The following KIF26A variants were observed in gnomAD, a reference collection of about 807,000 sequenced individuals.
The protein encoded by KIF26A is kinesin-like protein KIF26A.
A neutral mutation model predicts 126.0 loss-of-function variants in KIF26A; 74 were observed. The ratio of observed to expected loss-of-function variants is 0.59; its 90% CI spans 0.49 to 0.71. The LOEUF (loss-of-function observed/expected upper bound fraction) is 0.71. Ranked by LOEUF, KIF26A falls within the 30% of genes least tolerant of loss-of-function variation. The probability of loss-of-function intolerance (pLI) is 0.00; values close to 1 mark genes in which losing one functional copy is unlikely to be tolerated. For synonymous variants in KIF26A, 1,445 were observed against 1,232.7 expected (o/e 1.17, Z -3.61); for missense variants, 2,984 against 2,763.3 (o/e 1.08, Z -1.79).
At chr14:104,141,731 A>G (rs2011069) in intron 2 of KIF26A, among the ~76,000 whole-genome samples, 78,863 of 150,140 alleles carry the variant, frequency 0.53, 22,614 homozygotes, top group Non-Finnish European at 0.64. Context: ...CCAGCCTGCC[A>G]GGGTCTCCTT....
chr14:104,156,443 T>G (rs28579831), intron 3 of KIF26A, among the ~76,000 whole-genome samples: 63,325 of 127,132 alleles, frequency 0.5, 13,998 homozygotes, highest in Middle Eastern at 0.59. Context: ...CTACTGGGCA[T>G]TCCTTCTGGA....
Position 104,179,861 on chromosome 14 carries a change from G to T in KIF26A, c.*71G>T. ...ACGGGACGTGGGACGGAGCGAGGAT[G>T]TGGTGGGGGCTGCGGGGGGAGGATG... On this transcript the variant is annotated 3_prime_UTR_variant, in exon 15 of 15. Coordinates refer to ENST00000423312, the MANE Select transcript of KIF26A (RefSeq NM_015656.2). 8 of 1,403,834 alleles carry T rather than the reference G, an allele frequency of 5.7e-6. No individual in the cohort carries two copies. Among genetic ancestry groups the T allele is most frequent in the Non-Finnish European group, 7.6e-6 (8 of 1,059,234 alleles). 87.0% of individuals were successfully genotyped at this position (1,403,834 alleles called of 1,614,324 possible).
Position 104,179,618 on chromosome 14 carries a change from A to T in KIF26A, c.5477A>T (p.Asp1826Val). ...PGRWLEQFEV[D>V]PELEPESAEY... ...CTCCTCCCCTCCCCAGTTGAGGTGG[A>T]CCCGGAGCTGGAGCCCGAGTCGGCC... The change falls in exon 15 of 15, where the codon GAC (aspartate) becomes GTC (valine). Residue 1826 changes from aspartate to valine, a missense_variant. Physicochemically the swap from Asp to Val is radical, Grantham distance 152. Coordinates refer to ENST00000423312, the MANE Select transcript of KIF26A (RefSeq NM_015656.2). 1 of 1,529,974 alleles carries T rather than the reference A, an allele frequency of 6.5e-7. No individual in the cohort carries two copies. 94.8% of individuals were successfully genotyped at this position (1,529,974 alleles called of 1,614,324 possible).
intron 4 of KIF26A, among the ~76,000 whole-genome samples, chr14:104,162,282 G>A (rs1301591679): frequency 6.6e-6 from 1 of 152,184 alleles, no homozygotes; most frequent in Non-Finnish European, 1.5e-5. Flanking sequence ...GGGTGGAGAT[G>A]TGGGGCGAAC....
chr14:104,177,050 C>T lies in KIF26A; in HGVS notation c.4262C>T (p.Ala1421Val). 1 of 1,584,838 alleles carries T rather than the reference C, an allele frequency of 6.3e-7. No homozygotes were observed. Among genetic ancestry groups the T allele is most frequent in the Non-Finnish European group, 8.5e-7 (1 of 1,173,934 alleles). The change falls in exon 12 of 15, where the codon GCC becomes GTC. Residue 1421 changes from alanine (A) to valine (V), a missense_variant. Transcript: ENST00000423312. ...CCCAGGGCCACGTCCAGCCTGAAGG[C>T]CCGGGCCAGCAAGGTAGAAGCAGCA... ...SVPRATSSLKARASKVEAAHR... is the reference protein window; with the variant it reads ...SVPRATSSLKVRASKVEAAHR...
At position 104,138,761 on chromosome 14, in the gene KIF26A, C is replaced by A; in HGVS notation, c.39C>A (p.Pro13=). The A allele has an allele frequency of 1.6e-6, 2 of 1,258,190 alleles. No homozygotes were observed. The highest frequency in any genetic ancestry group is 2.0e-6 in the Non-Finnish European group (2 of 1,004,320). The allele number at this position is 1,258,190 out of a possible 1,614,324, so 77.9% of individuals were successfully genotyped here. A position where few individuals can be genotyped will look rare whatever the true frequency, so the allele number is the denominator to read the frequency against. The part of the protein sequence containing the change: ...GRGVPLCAAQ[P]AVAEGGPARE... ...GCGTCCCTCTGTGCGCTGCGCAGCC[C>A]GCGGTACGCGCGGCCCGGCCTGGAG... Residue 13 remains proline, a synonymous_variant, in exon 1 of 15, where the codon CCC becomes CCA. Transcript: ENST00000423312.
Position 104,173,528 on chromosome 14 carries a change from C to A in KIF26A, c.1867+15C>A. ...CCGGGGAGGAAGTAGGTGCCACACC[C>A]GCACTCCCGGGCCCCTGTGGGATGC... On this transcript the variant is annotated intron_variant, in intron 9 of 14. Coordinates refer to ENST00000423312, the MANE Select transcript of KIF26A (RefSeq NM_015656.2). The A allele has an allele frequency of 6.5e-7, 1 of 1,538,070 alleles. No homozygotes were observed. Among genetic ancestry groups the A allele is most frequent in the South Asian group, 1.2e-5 (1 of 80,054 alleles).
rs987623973 is a variant in KIF26A, at chr14:104,151,547, G to A, written c.289-468G>A. 2.6e-5 allele frequency among the ~76,000 whole-genome samples: 4 copies of A among 152,214 alleles called. No homozygotes were observed. The highest frequency in any genetic ancestry group is 4.4e-5 in the Non-Finnish European group (3 of 68,044). On this transcript the variant is annotated intron_variant, in intron 2 of 14. Coordinates refer to ENST00000423312, the MANE Select transcript of KIF26A (RefSeq NM_015656.2). The surrounding 1 kb of genome is among the most constrained non-coding windows in gnomAD (Gnocchi z 4.9). ...GATTTGATTTTCCACCTGCCCCACC[G>A]GGGCTGGAGACCTGAAGAGGAAGGG...
chr14:104,173,565 G>T, intron 9 of KIF26A, 52 bp downstream of exon 9: 2 of 1,509,458 alleles, frequency 1.3e-6, no homozygotes, highest in South Asian at 1.3e-5. Context: ...TGTCAGCAGA[G>T]ACCCAGGCAC....
intron 4 of KIF26A, among the ~76,000 whole-genome samples, chr14:104,164,841 ATG>A (rs897252339): frequency 4.1e-5 from 6 of 145,922 alleles, no homozygotes; most frequent in South Asian, 4.4e-4. Flanking sequence ...GTGTCTGAGT[ATG>A]TGTGTGTGTC....
intron 2 of KIF26A, among the ~76,000 whole-genome samples, chr14:104,149,490 C>T (rs2037707909): frequency 6.6e-6 from 1 of 152,138 alleles, no homozygotes; most frequent in Non-Finnish European, 1.5e-5. Flanking sequence ...GCTTGATGGG[C>T]CCCCCTCCAG....
intron 2 of KIF26A, among the ~76,000 whole-genome samples, chr14:104,150,993 GTCCT>G (rs2037724127): frequency 6.6e-6 from 1 of 152,324 alleles, no homozygotes; most frequent in Admixed American, 6.5e-5. Flanking sequence ...ACAGACACTG[GTCCT>G]GACTCTGGCC....
intron 4 of KIF26A, among the ~76,000 whole-genome samples, chr14:104,159,729 G>A (rs1160036775): frequency 1.3e-5 from 2 of 152,210 alleles, no homozygotes; most frequent in Non-Finnish European, 2.9e-5. Context: ...GCTTCTGCGA[G>A]GCCACTGCAG....
Position 104,176,384 on chromosome 14 carries a change from G to A in KIF26A, c.3596G>A (p.Trp1199Ter), listed in dbSNP as rs1312782382. 6.3e-7 allele frequency: 1 copy of A among 1,586,982 alleles called. No homozygotes were observed. ...GREPQAGPSR[W>*]ASAAQTIHSS... ...GAGCCCCAGGCCGGGCCCTCGCGGT[G>A]GGCATCCGCAGCCCAGACCATCCAC... The change falls in exon 12 of 15, where the codon TGG becomes TAG. Residue 1199 changes from tryptophan to a stop codon, truncating the protein, a stop_gained. Transcript: ENST00000423312. LOFTEE classifies it high-confidence loss of function.
At chr14:104,165,255 ATGTG>A (rs893567900) in intron 4 of KIF26A, among the ~76,000 whole-genome samples, 64 of 142,694 alleles carry the variant, frequency 4.5e-4, no homozygotes, top group African/African-American at 1.5e-3. Flanking sequence ...CTCCATATGC[ATGTG>A]TGTGTCTGTA....
In KIF26A at chr14:104,174,188, A is replaced by G; in HGVS notation, c.2071A>G (p.Thr691Ala). ...LTMLLRESLA[T>A]AGCRTTMIAH... is the part of the protein sequence containing the mutation. ...CATGCTGCTGCGTGAATCCCTGGCC[A>G]CCGCTGGCTGCCGCACCACCATGAT... Residue 691 changes from threonine to alanine, a missense_variant, in exon 11 of 15, where the codon ACC becomes GCC. Physicochemically the swap from Thr to Ala is moderately conservative, Grantham distance 58. Coordinates refer to ENST00000423312, the MANE Select transcript of KIF26A (RefSeq NM_015656.2). 1.3e-6 allele frequency: 2 copies of G among 1,588,600 alleles called. No homozygotes were observed. The highest frequency in any genetic ancestry group is 1.7e-6 in the Non-Finnish European group (2 of 1,167,922).
At chr14:104,154,891 G>A (rs140260056) in intron 3 of KIF26A, among the ~76,000 whole-genome samples, 12 of 152,324 alleles carry the variant, frequency 7.9e-5, no homozygotes, top group East Asian at 1.9e-4. Context: ...GGGTGGCACC[G>A]GCTTGGGGGC....
intron 5 of KIF26A, among the ~76,000 whole-genome samples, chr14:104,167,391 C>T (rs113409843): frequency 0.043 from 6,547 of 152,252 alleles, 183 homozygotes; most frequent in Non-Finnish European, 0.063. Flanking sequence ...CACTGAGACG[C>T]AGCCCTGAGG....
At chr14:104,178,203 G>A (rs775096226) in intron 12 of KIF26A, among the ~76,000 whole-genome samples, 1 of 152,200 alleles carries the variant, frequency 6.6e-6, no homozygotes, top group Non-Finnish European at 1.5e-5. Flanking sequence ...AGGTCGCCAG[G>A]CTGGGGCACT....
Sources: allele counts gnomAD v4.1 joint callset (sites outside exome capture counted in the v4.1 genomes callset), GRCh38; gene constraint gnomAD v4.1.1; non-coding constraint Gnocchi (gnomAD v3.1); transcripts MANE v1.5; gene names NCBI Gene and HGNC (gene_info 2026-07-23, HGNC 2026-07-21).